Variants in RGS7 observed in about 807,000 individuals in gnomAD.
RGS7 encodes regulator of G protein signaling 7.
In RGS7, 27 loss-of-function variants were observed where a neutral mutation model predicts 81.1. The observed-to-expected ratio is 0.33, with a 90% confidence interval of 0.25 to 0.46. RGS7 has a LOEUF of 0.46. Among genes scored for constraint, RGS7 ranks in the 20% least tolerant of loss-of-function variants. RGS7 has a pLI of 1.00. For missense variants in RGS7, 396 were observed against 607.4 expected, an observed-to-expected ratio of 0.65 and a Z score of 3.66; for synonymous variants, 208 against 207.7, an observed-to-expected ratio of 1.00 and a Z score of -0.01.
chr1:240,914,449 T>C (rs1375214504), intron 6 of RGS7, among the ~76,000 whole-genome samples: 1 of 152,084 alleles, frequency 6.6e-6, no homozygotes, highest in Non-Finnish European at 1.5e-5. Context: ...AAAAGAGACA[T>C]TTTCCATGAC....
chr1:240,845,115 T>G (rs1037681245), intron 9 of RGS7, among the ~76,000 whole-genome samples: 9 of 152,180 alleles, frequency 5.9e-5, no homozygotes, highest in Non-Finnish European at 1.3e-4. Context: ...GTTACAAAAT[T>G]AAAAAGCAAC....
chr1:241,250,726 G>C (rs2076789156), intron 2 of RGS7, among the ~76,000 whole-genome samples: 1 of 152,162 alleles, frequency 6.6e-6, no homozygotes, highest in African/African-American at 2.4e-5. Context: ...CCTGTCAATG[G>C]TTCCTGTCAT....
At chr1:241,011,618 C>T (rs1423222065) in intron 3 of RGS7, among the ~76,000 whole-genome samples, 1 of 152,126 alleles carries the variant, frequency 6.6e-6, no homozygotes, top group Non-Finnish European at 1.5e-5. Context: ...GGGCTGTGTT[C>T]TCACAAAGTT....
rs1278094073 is a variant in RGS7, at chr1:240,868,784, T to C, written c.519A>G (p.Ala173=). 5 of 1,613,854 alleles carry C rather than the reference T, an allele frequency of 3.1e-6. No individual in the cohort carries two copies. In the African/African-American group the frequency reaches 5.3e-5, roughly 17 times the overall value. ...KWEFIFMQAE[A]QAKVDKKRDK... is the part of the protein sequence containing the mutation. Reference sequence around the variant, plus strand: ...GACTCACAAGGACTCACTTTGCTTGTGCTTCTGCTTGCATGAAAATGAACT... The same window carrying C: ...GACTCACAAGGACTCACTTTGCTTGCGCTTCTGCTTGCATGAAAATGAACT... The change falls in exon 8 of 19, where the codon GCA becomes GCG. Residue 173 remains alanine (A), a synonymous_variant. Transcript: ENST00000440928. The surrounding 1 kb of genome is among the most constrained non-coding windows in gnomAD (Gnocchi z 5.1).
chr1:241,114,252 C>A (rs571639459), intron 2 of RGS7, among the ~76,000 whole-genome samples: 1 of 152,276 alleles, frequency 6.6e-6, no homozygotes, highest in Non-Finnish European at 1.5e-5. Flanking sequence ...GCTAGACACT[C>A]CTCAATCTAG....
In RGS7 at chr1:240,978,883, T is replaced by C. The variant is rs887607439; in HGVS notation, c.226+4196A>G. Among the ~76,000 whole-genome samples the C allele has an allele frequency of 3.3e-5, 5 of 152,314 alleles. No homozygotes were observed. The East Asian group carries it at 9.6e-4, about 29-fold the overall frequency. On this transcript the variant is annotated intron_variant, in intron 4 of 18. Transcript: ENST00000440928. ...CTAAGTAGTAGATGTTATTATTATA[T>C]GCATTTTATAAATGTAGAAAATGAG...
At chr1:241,267,268 G>A (rs1182882514) in intron 2 of RGS7, among the ~76,000 whole-genome samples, 2 of 152,148 alleles carry the variant, frequency 1.3e-5, no homozygotes, top group South Asian at 4.1e-4. Flanking sequence ...GCATGGAGGG[G>A]TCTGAGTAAG....
chr1:241,236,712 G>T (rs1451545159), intron 2 of RGS7, among the ~76,000 whole-genome samples: 2 of 152,106 alleles, frequency 1.3e-5, no homozygotes, highest in African/African-American at 4.8e-5. Context: ...ACCCAAGTTC[G>T]ATAAAGAAGC....
At chr1:241,241,441 G>C (rs12145555) in intron 2 of RGS7, among the ~76,000 whole-genome samples, 55,622 of 151,804 alleles carry the variant, frequency 0.37, 11,156 homozygotes, top group East Asian at 0.67. Flanking sequence ...AAATTGTTTT[G>C]TGCTGTTTTC....
intron 3 of RGS7, among the ~76,000 whole-genome samples, chr1:241,078,299 C>CTGTG (rs1281803360): frequency 8.1e-5 from 10 of 122,884 alleles, no homozygotes; most frequent in Admixed American, 7.4e-4. Context: ...TGCTTCTGGT[C>CTGTG]TCTGTGTGTG....
chr1:241,287,947 C>G (rs942972543), intron 2 of RGS7, among the ~76,000 whole-genome samples: 1 of 152,188 alleles, frequency 6.6e-6, no homozygotes, highest in African/African-American at 2.4e-5. Context: ...ACTTCCCTTA[C>G]TTTAGCTTGC....
intron 9 of RGS7, among the ~76,000 whole-genome samples, chr1:240,856,640 T>C (rs890109435): frequency 6.6e-5 from 10 of 152,312 alleles, no homozygotes; most frequent in African/African-American, 2.4e-4. Context: ...ACAATTAATA[T>C]ACAATCATGC....
intron 2 of RGS7, among the ~76,000 whole-genome samples, chr1:241,320,503 T>C: frequency 6.6e-6 from 1 of 152,244 alleles, no homozygotes. Context: ...ACCTTTTTGT[T>C]TTCTCTCACT....
At chr1:241,075,561 A>G (rs2062744549) in intron 3 of RGS7, among the ~76,000 whole-genome samples, 1 of 152,146 alleles carries the variant, frequency 6.6e-6, no homozygotes, top group South Asian at 2.1e-4. Context: ...GTCTTGGGCC[A>G]TACATAAATC....
At chr1:241,304,287 T>C (rs2079947419) in intron 2 of RGS7, among the ~76,000 whole-genome samples, 1 of 152,122 alleles carries the variant, frequency 6.6e-6, no homozygotes, top group Admixed American at 6.5e-5. Flanking sequence ...AGAGGCAAGT[T>C]CGCAAGTGTG....
At chr1:241,078,387 A>G (rs1294106965) in intron 3 of RGS7, among the ~76,000 whole-genome samples, 2 of 145,050 alleles carry the variant, frequency 1.4e-5, no homozygotes, top group African/African-American at 5.2e-5. Context: ...CCAAAATAGT[A>G]TATATAAAAT....
intron 2 of RGS7, among the ~76,000 whole-genome samples, chr1:241,198,917 T>C (rs2815878): frequency 0.21 from 31,580 of 152,070 alleles, 4,765 homozygotes; most frequent in African/African-American, 0.42. Context: ...TAAACCCGTA[T>C]GCAAAAATAT....
At chr1:240,985,885 G>C (rs1572128945) in intron 3 of RGS7, among the ~76,000 whole-genome samples, 1 of 151,624 alleles carries the variant, frequency 6.6e-6, no homozygotes, top group Non-Finnish European at 1.5e-5. Context: ...ATTTAAAATG[G>C]AGCATTACAG....
rs1217361049 is a variant in RGS7 at position 240,920,141 on chromosome 1, T to C, written c.385+10576A>G. ...ATGACTCCGTGGATAAGACGGTCATTCAGAAATACCACACTGTGAATGGCC... is the reference window on the plus strand; with the variant it reads ...ATGACTCCGTGGATAAGACGGTCATCCAGAAATACCACACTGTGAATGGCC... On this transcript the variant is annotated intron_variant, in intron 6 of 18. Coordinates refer to ENST00000440928, the MANE Select transcript of RGS7 (RefSeq NM_001364886.1). 3 of 948,370 alleles carry C rather than the reference T, an allele frequency of 3.2e-6. No individual in the cohort carries two copies. The African/African-American group carries it at 4.8e-5, about 15-fold the overall frequency. 58.7% of individuals were successfully genotyped at this position (948,370 alleles called of 1,614,324 possible).
Sources: gnomAD v4.1 joint callset for allele counts (sites outside exome capture counted in the v4.1 genomes callset) on GRCh38, gnomAD v4.1.1 for gene constraint, Gnocchi (gnomAD v3.1) non-coding constraint, MANE v1.5 for transcripts, NCBI Gene and HGNC (gene_info 2026-07-23, HGNC 2026-07-21) for gene names.